Variants in SNX29 observed in about 807,000 individuals in gnomAD.
SNX29 encodes the protein sorting nexin 29, also known as sorting nexin-29.
Under a neutral mutation model 102.1 loss-of-function variants are expected in SNX29, and 78 were observed. The observed-to-expected ratio is 0.76, with a 90% CI of 0.64 to 0.92. The LOEUF is 0.92. Among genes scored for constraint, SNX29 ranks in the 40% least tolerant of loss-of-function variants. The probability of loss-of-function intolerance (pLI) is 0.00; values close to 1 mark genes in which losing one functional copy is unlikely to be tolerated. For missense variants in SNX29, 1,280 were observed against 1,061.7 expected, an observed-to-expected ratio of 1.21 and a Z score of -2.86; for synonymous variants, 580 against 414.5, an observed-to-expected ratio of 1.40 and a Z score of -4.85.
intron 9 of SNX29, among the ~76,000 whole-genome samples, chr16:12,066,796 G>T (rs1392886711): frequency 6.6e-6 from 1 of 151,898 alleles, no homozygotes; most frequent in African/African-American, 2.4e-5. Context: ...AGTTGACCAG[G>T]TGGGAGGATG....
chr16:12,021,740 A>G (rs537307513), intron 3 of SNX29, among the ~76,000 whole-genome samples: 1 of 152,074 alleles, frequency 6.6e-6, no homozygotes, highest in South Asian at 2.1e-4. Context: ...ATACACACAA[A>G]AAATGGCCGG....
At chr16:12,539,605 A>G (rs2077232226) in intron 20 of SNX29, among the ~76,000 whole-genome samples, 1 of 152,190 alleles carries the variant, frequency 6.6e-6, no homozygotes, top group Non-Finnish European at 1.5e-5. Context: ...CAAATACCTA[A>G]GAGTTGAGGA....
intron 10 of SNX29, among the ~76,000 whole-genome samples, chr16:12,073,616 G>C (rs995884682): frequency 5.3e-5 from 8 of 152,136 alleles, no homozygotes; most frequent in Non-Finnish European, 1.2e-4. Context: ...AATAGATGTG[G>C]TGTGGTGCTG....
chr16:12,213,796 C>T (rs2077249615), intron 14 of SNX29, among the ~76,000 whole-genome samples: 1 of 152,188 alleles, frequency 6.6e-6, no homozygotes, highest in South Asian at 2.1e-4. Context: ...AGGTAAGCCC[C>T]AGTACCCAGC....
chr16:12,258,268 G>A (rs988321087), intron 14 of SNX29, among the ~76,000 whole-genome samples: 4 of 152,156 alleles, frequency 2.6e-5, no homozygotes, highest in Admixed American at 6.5e-5. Context: ...CTGTCACCTC[G>A]TCTCTGTGTG....
chr16:12,568,438 C>G (rs79129526), intron 20 of SNX29, 68 bp from the exon 21 acceptor site: 87,490 of 1,586,078 alleles, frequency 0.055, 2,814 homozygotes, highest in Non-Finnish European at 0.063. Context: ...ACCTGGCTCC[C>G]CTTCCTGGCC....
intron 20 of SNX29, among the ~76,000 whole-genome samples, chr16:12,532,371 C>A (rs182776326): frequency 2.8e-4 from 42 of 152,292 alleles, no homozygotes; most frequent in African/African-American, 9.6e-4. Context: ...TCAGCAGCTC[C>A]CAGCAGCGTT....
At chr16:12,450,891 T>A (rs77656198) in intron 18 of SNX29, among the ~76,000 whole-genome samples, 1 of 151,824 alleles carries the variant, frequency 6.6e-6, no homozygotes, top group African/African-American at 2.4e-5. Flanking sequence ...CCAGAACACA[T>A]GAGGAGGTAG....
At chr16:12,226,419 G>C (rs779272728) in intron 14 of SNX29, among the ~76,000 whole-genome samples, 3 of 152,168 alleles carry the variant, frequency 2.0e-5, no homozygotes, top group Admixed American at 6.5e-5. Context: ...GAGTTTAAAA[G>C]GAGGAGAGAG....
chr16:12,445,090 A>G (rs1440516977), intron 18 of SNX29, among the ~76,000 whole-genome samples: 2 of 151,814 alleles, frequency 1.3e-5, no homozygotes, highest in African/African-American at 2.4e-5. Context: ...ACCTGAAGTG[A>G]TCTACCCACC....
chr16:12,235,765 A>G (rs1057101950), intron 14 of SNX29, among the ~76,000 whole-genome samples: 1 of 151,792 alleles, frequency 6.6e-6, no homozygotes, highest in African/African-American at 2.4e-5. Flanking sequence ...ATAAAGGTGG[A>G]TGAAAACATG....
chr16:12,303,344 A>G (rs931493238), intron 15 of SNX29, among the ~76,000 whole-genome samples: 1 of 152,252 alleles, frequency 6.6e-6, no homozygotes, highest in Non-Finnish European at 1.5e-5. Flanking sequence ...CAACTTAGAT[A>G]TCCATCGATA....
chr16:12,223,388 A>G (rs2077528562), intron 14 of SNX29, among the ~76,000 whole-genome samples: 1 of 152,160 alleles, frequency 6.6e-6, no homozygotes, highest in Admixed American at 6.5e-5. Flanking sequence ...TAGGCTTCGC[A>G]CGGTGGCTTA....
At chr16:12,458,216 C>T (rs781682566) in intron 18 of SNX29, among the ~76,000 whole-genome samples, 4 of 152,178 alleles carry the variant, frequency 2.6e-5, no homozygotes, top group Non-Finnish European at 5.9e-5. Flanking sequence ...TCTGTGAGCC[C>T]AGAGGGACCT....
At chr16:12,458,474 T>C (rs2086630333) in intron 18 of SNX29, among the ~76,000 whole-genome samples, 1 of 152,198 alleles carries the variant, frequency 6.6e-6, no homozygotes, top group African/African-American at 2.4e-5. Context: ...TGCAGCTCTT[T>C]GATTAAAGAT....
At chr16:12,558,004 G>A (rs1028915032) in intron 20 of SNX29, among the ~76,000 whole-genome samples, 44 of 152,140 alleles carry the variant, frequency 2.9e-4, no homozygotes, top group Non-Finnish European at 4.0e-4. Flanking sequence ...TGGTTGGGCT[G>A]GGTGCTGCAG....
At chr16:12,151,213 C>G (rs540119646) in intron 13 of SNX29, among the ~76,000 whole-genome samples, 10 of 152,152 alleles carry the variant, frequency 6.6e-5, no homozygotes, top group Non-Finnish European at 1.5e-4. Context: ...TGCTTAACAA[C>G]TTACAGCAAG....
At chr16:12,452,791 G>A (rs2086364748) in intron 18 of SNX29, among the ~76,000 whole-genome samples, 1 of 152,110 alleles carries the variant, frequency 6.6e-6, no homozygotes, top group Non-Finnish European at 1.5e-5. Context: ...TGGTGCTGTG[G>A]GACAGGAACT....
intron 18 of SNX29, among the ~76,000 whole-genome samples, chr16:12,462,257 A>G (rs2086839676): frequency 1.3e-5 from 2 of 151,408 alleles, no homozygotes; most frequent in South Asian, 4.2e-4. Context: ...ACTCTTGGAC[A>G]TTGCCTCTTT....
Sources: gnomAD v4.1 joint callset for allele counts (sites outside exome capture counted in the v4.1 genomes callset) on GRCh38, gnomAD v4.1.1 for gene constraint, MANE v1.5 for transcripts, NCBI Gene and HGNC (gene_info 2026-07-23, HGNC 2026-07-21) for gene names.